The following DOCK3 variants were observed in gnomAD, a reference collection of about 807,000 sequenced individuals.
DOCK3 encodes the protein dedicator of cytokinesis protein 3.
In DOCK3, 60 loss-of-function variants were observed where a neutral mutation model predicts 265.6. The observed-to-expected ratio is 0.23, with a 90% CI of 0.18 to 0.28. DOCK3 has a LOEUF of 0.28. DOCK3 is among the 10% of genes least tolerant of loss of function. The probability of loss-of-function intolerance (pLI) is 1.00; values close to 1 mark genes in which losing one functional copy is unlikely to be tolerated. For missense variants in DOCK3, 1,981 were observed against 2,594.3 expected (o/e 0.76, Z 5.14); for synonymous variants, 881 against 938.0 (o/e 0.94, Z 1.11).
Position 50,741,777 on chromosome 3 carries a change from T to G in DOCK3, c.38-36898T>G, listed in dbSNP as rs562573204. On this transcript the variant is annotated intron_variant, in intron 1 of 52. Coordinates refer to ENST00000266037, the MANE Select transcript of DOCK3 (RefSeq NM_004947.5). ...TATAGCAGCATGATTTATAGTCCTT[T>G]GGGTATATACCCAGTAATGGGATGG... Among the ~76,000 whole-genome samples the G allele has an allele frequency of 2.8e-3, 423 of 152,242 alleles. 3 individuals carry two copies. Among genetic ancestry groups the G allele is most frequent in the African/African-American group, 9.8e-3 (405 of 41,532 alleles).
intron 5 of DOCK3, among the ~76,000 whole-genome samples, chr3:51,017,016 C>G (rs1376514841): frequency 7.1e-6 from 1 of 141,152 alleles, no homozygotes; most frequent in Non-Finnish European, 1.5e-5. Flanking sequence ...AGTGTCCTTT[C>G]TTTGCTGGGA....
chr3:51,095,198 CATT>C (rs1038136564), intron 9 of DOCK3, among the ~76,000 whole-genome samples: 5 of 152,040 alleles, frequency 3.3e-5, no homozygotes, highest in African/African-American at 1.2e-4. Flanking sequence ...TTGATCCTGT[CATT>C]ATGATGCTAG....
At chr3:50,905,899 T>C (rs2049466714) in intron 4 of DOCK3, among the ~76,000 whole-genome samples, 1 of 152,198 alleles carries the variant, frequency 6.6e-6, no homozygotes, top group Non-Finnish European at 1.5e-5. Flanking sequence ...GGCTGTGGGT[T>C]TGTCATAAAT....
chr3:51,228,729 C>T lies in DOCK3; in HGVS notation c.1716C>T (p.Tyr572=), dbSNP rs2090431817. 6.2e-7 allele frequency: 1 copy of T among 1,613,854 alleles called. No homozygotes were observed. The highest frequency in any genetic ancestry group is 8.5e-7 in the Non-Finnish European group (1 of 1,179,888). ...YLGLPCCKED[Y]NGCPNIPSSL... ...GCCTGCCCTGCTGCAAAGAGGACTA[C>T]AATGGCTGCCCTAATATTCCTTCTA... The change falls in exon 18 of 53, where the codon TAC becomes TAT. Residue 572 remains tyrosine (Y), a synonymous_variant. Transcript: ENST00000266037.
At chr3:51,123,149 C>G (rs568872673) in intron 9 of DOCK3, among the ~76,000 whole-genome samples, 1 of 152,084 alleles carries the variant, frequency 6.6e-6, no homozygotes, top group African/African-American at 2.4e-5. Flanking sequence ...TTCCACTGCC[C>G]GGGAGGATAA....
At chr3:51,147,336 A>G (rs1457265115) in intron 10 of DOCK3, among the ~76,000 whole-genome samples, 1 of 152,004 alleles carries the variant, frequency 6.6e-6, no homozygotes, top group African/African-American at 2.4e-5. Flanking sequence ...TCCTACTGTG[A>G]TCTGTACTTT....
chr3:51,103,965 C>T (rs561200737), intron 9 of DOCK3, among the ~76,000 whole-genome samples: 9 of 151,902 alleles, frequency 5.9e-5, no homozygotes, highest in African/African-American at 1.7e-4. Flanking sequence ...GTAAAATATG[C>T]GACATGTTCA....
intron 1 of DOCK3, among the ~76,000 whole-genome samples, chr3:50,729,907 C>T (rs1054399294): frequency 6.6e-6 from 1 of 150,680 alleles, no homozygotes; most frequent in African/African-American, 2.4e-5. Flanking sequence ...TAACCTCTGC[C>T]CCCTGGGTTT....
At chr3:51,267,722 C>T (rs1318776873) in intron 23 of DOCK3, among the ~76,000 whole-genome samples, 1 of 152,078 alleles carries the variant, frequency 6.6e-6, no homozygotes, top group Non-Finnish European at 1.5e-5. Context: ...TTGACAATAG[C>T]AAAGATTTGG....
chr3:50,944,933 C>T (rs1251366051), intron 5 of DOCK3, among the ~76,000 whole-genome samples: 2 of 152,120 alleles, frequency 1.3e-5, no homozygotes, highest in African/African-American at 4.8e-5. Context: ...ACACTCCTGC[C>T]TGGGCAACAA....
intron 3 of DOCK3, among the ~76,000 whole-genome samples, chr3:50,874,794 T>A (rs2047619923): frequency 6.6e-6 from 1 of 152,222 alleles, no homozygotes; most frequent in Admixed American, 6.5e-5. Flanking sequence ...GGTTGTATGC[T>A]GCAACTTTAC....
chr3:50,704,893 C>T (rs939545174), intron 1 of DOCK3, among the ~76,000 whole-genome samples: 3 of 152,014 alleles, frequency 2.0e-5, no homozygotes, highest in African/African-American at 4.8e-5. Flanking sequence ...CCTCCCAAAG[C>T]GCTGGGATTA....
intron 12 of DOCK3, among the ~76,000 whole-genome samples, chr3:51,173,030 CTT>C (rs2086764086): frequency 6.6e-6 from 1 of 152,148 alleles, no homozygotes; most frequent in African/African-American, 2.4e-5. Flanking sequence ...ATTTTTGTCT[CTT>C]AAACTATATA....
intron 27 of DOCK3, among the ~76,000 whole-genome samples, chr3:51,291,126 A>G (rs1008990832): frequency 2.4e-4 from 36 of 152,194 alleles, no homozygotes; most frequent in African/African-American, 8.7e-4. Context: ...ATGGAAACAT[A>G]TCAAATCTTA....
chr3:50,846,504 A>G (rs1260199460), intron 3 of DOCK3, among the ~76,000 whole-genome samples: 1 of 152,018 alleles, frequency 6.6e-6, no homozygotes, highest in Non-Finnish European at 1.5e-5. Flanking sequence ...TGGTGCTAGG[A>G]TGATATTGGT....
intron 9 of DOCK3, among the ~76,000 whole-genome samples, chr3:51,096,265 G>A (rs1002717101): frequency 2.0e-5 from 3 of 152,050 alleles, no homozygotes; most frequent in Admixed American, 6.5e-5. Context: ...TCACTTTCAG[G>A]TACACCAATC....
chr3:51,056,063 G>A (rs912820040), intron 5 of DOCK3, among the ~76,000 whole-genome samples: 2 of 152,002 alleles, frequency 1.3e-5, no homozygotes, highest in African/African-American at 4.8e-5. Context: ...TTTTCATATC[G>A]CTTCTTTGCA....
chr3:50,932,378 AT>A (rs2051115181), intron 4 of DOCK3, among the ~76,000 whole-genome samples: 1 of 150,788 alleles, frequency 6.6e-6, no homozygotes, highest in Non-Finnish European at 1.5e-5. Context: ...TGTGGAATAC[AT>A]TTTCCTGTAC....
Position 50,841,715 on chromosome 3 carries a change from G to A in DOCK3, c.162G>A (p.Lys54=). The change falls in exon 3 of 53, where the codon AAG becomes AAA. Residue 54 remains lysine (K), a splice_region_variant and synonymous_variant. Coordinates refer to ENST00000266037, the MANE Select transcript of DOCK3 (RefSeq NM_004947.5). ...TTTCAACAAAGAAGCCAAATGTGAA[G>A]GTAATGAAAAGTTTATTGTTACCTT... ...RGVSTKKPNV[K]GIFPANYIHL... 8.9e-7 allele frequency: 1 copy of A among 1,126,716 alleles called. No homozygotes were observed. Among genetic ancestry groups the A allele is most frequent in the Non-Finnish European group, 1.1e-6 (1 of 875,172 alleles). 69.8% of individuals were successfully genotyped at this position (1,126,716 alleles called of 1,614,324 possible).
Sources: gnomAD v4.1 joint callset for allele counts (sites outside exome capture counted in the v4.1 genomes callset) on GRCh38, gnomAD v4.1.1 for gene constraint, MANE v1.5 for transcripts, NCBI Gene and HGNC (gene_info 2026-07-23, HGNC 2026-07-21) for gene names.